Variants in CHMP4C observed in about 807,000 individuals in gnomAD.
The protein encoded by CHMP4C is SNF7 homolog associated with Alix 3.
Under a neutral mutation model 29.0 loss-of-function variants are expected in CHMP4C, and 28 were observed. The observed-to-expected ratio is 0.97, with a 90% CI of 0.72 to 1.32. The LOEUF (loss-of-function observed/expected upper bound fraction) is 1.32, where lower values mean the gene tolerates loss of function less well. CHMP4C is among the 40% of genes most tolerant of loss of function. The pLI is 0.00. For synonymous variants in CHMP4C, 106 were observed against 102.4 expected (o/e 1.04, Z -0.21); for missense variants, 291 against 281.0 (o/e 1.04, Z -0.25).
At position 81,752,884 on chromosome 8, in the gene CHMP4C, GT is replaced by G. The variant is rs1384027146; in HGVS notation, c.191-179del. Reference sequence around the variant, plus strand: ...AAAGAATAATAAAATGTTGGAGACGGTACTAGTTGGTATAGGTAATTGAGAG... The same window carrying G: ...AAAGAATAATAAAATGTTGGAGACGGACTAGTTGGTATAGGTAATTGAGAG... On this transcript the variant is annotated intron_variant, in intron 1 of 4. Transcript: ENST00000297265. Among the ~76,000 whole-genome samples, 3 of 152,266 alleles carry G rather than the reference GT, an allele frequency of 2.0e-5. No individual in the cohort carries two copies. In the East Asian group the frequency reaches 5.8e-4, roughly 29 times the overall value.
intron 1 of CHMP4C, among the ~76,000 whole-genome samples, chr8:81,737,753 G>A (rs926275996): frequency 1.3e-5 from 2 of 152,182 alleles, no homozygotes; most frequent in Non-Finnish European, 2.9e-5. Flanking sequence ...AATCCTCGGA[G>A]TTGTGGGGAT....
chr8:81,749,589 A>G (rs1808870888), intron 1 of CHMP4C, among the ~76,000 whole-genome samples: 1 of 152,226 alleles, frequency 6.6e-6, no homozygotes, highest in African/African-American at 2.4e-5. Context: ...GCAATTTGGT[A>G]TAAAGGGTGG....
intron 1 of CHMP4C, 126 bp from the exon 2 acceptor site, chr8:81,752,938 T>A (rs1808922772): frequency 1.6e-6 from 1 of 643,668 alleles, no homozygotes. Flanking sequence ...ATTTCTCAGG[T>A]TTATTTTGGT....
At chr8:81,751,170 T>C (rs1330939719) in intron 1 of CHMP4C, among the ~76,000 whole-genome samples, 2 of 152,112 alleles carry the variant, frequency 1.3e-5, no homozygotes, top group Non-Finnish European at 1.5e-5. Flanking sequence ...GCACCTTTTC[T>C]GGAAAATATA....
chr8:81,732,800 C>T lies in CHMP4C; in HGVS notation c.174C>T (p.Gly58=). ...QREIALAKKH[G]TQNKRAALQA... is the part of the protein sequence containing the mutation. ...AAATCGCCCTGGCCAAGAAGCACGG[C>T]ACGCAGAATAAGCGAGGTAGGCTGG... The change falls in exon 1 of 5, where the codon GGC becomes GGT. Residue 58 remains glycine (G), a synonymous_variant. Coordinates refer to ENST00000297265, the MANE Select transcript of CHMP4C (RefSeq NM_152284.4). 3.7e-6 allele frequency: 6 copies of T among 1,612,136 alleles called. No homozygotes were observed. Among genetic ancestry groups the T allele is most frequent in the Non-Finnish European group, 5.1e-6 (6 of 1,179,164 alleles).
chr8:81,742,420 T>A (rs990884931), intron 1 of CHMP4C, among the ~76,000 whole-genome samples: 2 of 152,228 alleles, frequency 1.3e-5, no homozygotes, highest in African/African-American at 4.8e-5. Flanking sequence ...TAAAATTCAA[T>A]GTCAGCTATC....
intron 1 of CHMP4C, among the ~76,000 whole-genome samples, chr8:81,744,943 G>A (rs984847620): frequency 2.0e-5 from 3 of 152,134 alleles, no homozygotes; most frequent in Non-Finnish European, 2.9e-5. Context: ...GGATGCCTCT[G>A]GCCAAATGCG....
At position 81,732,732 on chromosome 8, in the gene CHMP4C, CTGGGCAAGAAACAAGAGT is replaced by C; in HGVS notation, c.107_124del (p.Leu36_Tyr42delinsHis). 1 of 1,606,816 alleles carries C rather than the reference CTGGGCAAGAAACAAGAGT, an allele frequency of 6.2e-7. No individual in the cohort carries two copies. The highest frequency in any genetic ancestry group is 8.5e-7 in the Non-Finnish European group (1 of 1,176,694). ...CCGACTTCGGGAGACTGAGGAGATG[CTGGGCAAGAAACAAGAGT>C]ACCTGGAAAATCGAATCCAGAGAGA... On this transcript the variant is annotated inframe_deletion, in exon 1 of 5. Coordinates refer to ENST00000297265, the MANE Select transcript of CHMP4C (RefSeq NM_152284.4).
chr8:81,756,437 C>A (rs1340348686), intron 3 of CHMP4C, among the ~76,000 whole-genome samples: 1 of 152,188 alleles, frequency 6.6e-6, no homozygotes, highest in Non-Finnish European at 1.5e-5. Flanking sequence ...GACTAGTAAG[C>A]ATCTAGTGAG....
At chr8:81,739,421 G>GC (rs1233571297) in intron 1 of CHMP4C, among the ~76,000 whole-genome samples, 1 of 140,834 alleles carries the variant, frequency 7.1e-6, no homozygotes, top group East Asian at 2.2e-4. Context: ...GGGATTGTGG[G>GC]GGGGGGTGGA....
At chr8:81,755,897 C>T (rs138837013) in intron 3 of CHMP4C, among the ~76,000 whole-genome samples, 83 of 152,238 alleles carry the variant, frequency 5.5e-4, no homozygotes, top group African/African-American at 1.9e-3. Context: ...ATTACTCAGG[C>T]TATGAAACCA....
chr8:81,735,841 A>G (rs550566464), intron 1 of CHMP4C, among the ~76,000 whole-genome samples: 3 of 152,184 alleles, frequency 2.0e-5, no homozygotes, highest in Admixed American at 6.5e-5. Context: ...AATCTCAGCA[A>G]TCTGGGGGGC....
chr8:81,735,897 G>A (rs1054390225), intron 1 of CHMP4C, among the ~76,000 whole-genome samples: 4 of 152,092 alleles, frequency 2.6e-5, no homozygotes, highest in East Asian at 3.9e-4. Context: ...GACCAGGCTG[G>A]CCAACATGGT....
At position 81,755,405 on chromosome 8, in the gene CHMP4C, T is replaced by G; in HGVS notation, c.404T>G (p.Ile135Ser). ...AAAATAGATGATTTGATGCAAGAGA[T>G]CACAGAGCAACAGGATATCGCCCAA... is the stretch of plus-strand genomic sequence containing the variant. ...LNKIDDLMQEITEQQDIAQEI... is the reference protein window; with the variant it reads ...LNKIDDLMQESTEQQDIAQEI... Residue 135 changes from isoleucine to serine, a missense_variant, in exon 3 of 5, where the codon ATC becomes AGC. Coordinates refer to ENST00000297265, the MANE Select transcript of CHMP4C (RefSeq NM_152284.4). 1 of 1,611,510 alleles carries G rather than the reference T, an allele frequency of 6.2e-7. No individual in the cohort carries two copies. Among genetic ancestry groups the G allele is most frequent in the Non-Finnish European group, 8.5e-7 (1 of 1,178,124 alleles).
chr8:81,738,051 G>A (rs1021117206), intron 1 of CHMP4C, among the ~76,000 whole-genome samples: 1 of 152,198 alleles, frequency 6.6e-6, no homozygotes, highest in African/African-American at 2.4e-5. Flanking sequence ...TCAAGGATGA[G>A]GCAGGTGAGA....
intron 1 of CHMP4C, among the ~76,000 whole-genome samples, chr8:81,736,046 A>G (rs187801584): frequency 9.2e-5 from 14 of 152,086 alleles, no homozygotes; most frequent in Admixed American, 2.0e-4. Flanking sequence ...AGATCGCGCC[A>G]TTGCACTCCA....
chr8:81,755,259 C>T (rs1486669366), intron 2 of CHMP4C, 111 bp from the exon 3 acceptor site: 11 of 483,646 alleles, frequency 2.3e-5, no homozygotes, highest in African/African-American at 9.8e-5. Flanking sequence ...TTATCCTACT[C>T]AAATAACTAA....
intron 1 of CHMP4C, among the ~76,000 whole-genome samples, chr8:81,749,985 C>T (rs1482105919): frequency 6.6e-6 from 1 of 152,066 alleles, no homozygotes; most frequent in Non-Finnish European, 1.5e-5. Flanking sequence ...AAGGGAATTT[C>T]TAAGTGGCAA....
chr8:81,742,397 T>A lies in CHMP4C; in HGVS notation c.190+9581T>A, dbSNP rs564809205. Among the ~76,000 whole-genome samples the A allele has an allele frequency of 3.8e-4, 58 of 152,322 alleles. 1 individual carries two copies. Among genetic ancestry groups the A allele is most frequent in the African/African-American group, 1.3e-3 (55 of 41,588 alleles). ...AAGCCTTGCATTAAGAGTTAAATTC[T>A]TGATTTAAAAATTAAAATTCAATGT... On this transcript the variant is annotated intron_variant, in intron 1 of 4. Coordinates refer to ENST00000297265, the MANE Select transcript of CHMP4C (RefSeq NM_152284.4).
Sources: gnomAD v4.1 joint callset for allele counts (sites outside exome capture counted in the v4.1 genomes callset) on GRCh38, gnomAD v4.1.1 for gene constraint, MANE v1.5 for transcripts, NCBI Gene and HGNC (gene_info 2026-07-23, HGNC 2026-07-21) for gene names.